Variants in CDH13 observed in about 807,000 individuals in gnomAD.
CDH13 encodes cadherin 13.
A neutral mutation model predicts 63.8 loss-of-function variants in CDH13; 24 were observed. The ratio of observed to expected loss-of-function variants is 0.38; its 90% CI spans 0.27 to 0.53. The LOEUF is 0.53. Among genes scored for constraint, CDH13 ranks in the 20% least tolerant of loss-of-function variants. The pLI is 0.85. For missense variants in CDH13, 1,049 were observed against 903.1 expected, an observed-to-expected ratio of 1.16 and a Z score of -2.07; for synonymous variants, 503 against 355.3, an observed-to-expected ratio of 1.42 and a Z score of -4.67.
At chr16:83,041,674 A>T (rs576093526) in intron 3 of CDH13, among the ~76,000 whole-genome samples, 44 of 152,246 alleles carry the variant, frequency 2.9e-4, no homozygotes, top group Non-Finnish European at 4.7e-4. Flanking sequence ...ATTTAGCGAA[A>T]ATTTTTGTGG....
At chr16:82,761,017 C>CTTGTTTTTTTT (rs2034820209) in intron 1 of CDH13, among the ~76,000 whole-genome samples, 1 of 40,452 alleles carries the variant, frequency 2.5e-5, no homozygotes, top group Non-Finnish European at 4.6e-5. Flanking sequence ...TTCTTTCTTT[C>CTTGTTTTTTTT]TTTTTTTTTT....
intron 2 of CDH13, among the ~76,000 whole-genome samples, chr16:83,011,650 G>A (rs769524683): frequency 5.3e-5 from 8 of 152,174 alleles, no homozygotes; most frequent in Non-Finnish European, 1.0e-4. Context: ...GCCACTGAGG[G>A]TTCGGGGACC....
chr16:83,598,219 G>A (rs1907454798), intron 7 of CDH13, among the ~76,000 whole-genome samples: 1 of 152,058 alleles, frequency 6.6e-6, no homozygotes, highest in Non-Finnish European at 1.5e-5. Context: ...ACAAAAATTA[G>A]CTGGGTGTGG....
intron 5 of CDH13, among the ~76,000 whole-genome samples, chr16:83,315,126 G>A (rs1202454654): frequency 6.6e-6 from 1 of 152,224 alleles, no homozygotes; most frequent in Non-Finnish European, 1.5e-5. Context: ...CAGCACAATA[G>A]TAGCCTGTCT....
At chr16:82,854,885 C>G (rs971282879) in intron 1 of CDH13, among the ~76,000 whole-genome samples, 12 of 152,186 alleles carry the variant, frequency 7.9e-5, no homozygotes, top group South Asian at 2.1e-4. Context: ...TTATTGACTC[C>G]TTATCCTGTG....
intron 10 of CDH13, among the ~76,000 whole-genome samples, chr16:83,714,096 G>T (rs907894421): frequency 6.6e-6 from 1 of 152,142 alleles, no homozygotes; most frequent in Middle Eastern, 3.2e-3. Flanking sequence ...TGGAGGGGGG[G>T]CTGCCCTACG....
intron 6 of CDH13, among the ~76,000 whole-genome samples, chr16:83,366,219 T>A (rs2091254774): frequency 6.6e-6 from 1 of 152,162 alleles, no homozygotes; most frequent in South Asian, 2.1e-4. Context: ...TTCAAATGAA[T>A]TACCAACTTA....
intron 4 of CDH13, among the ~76,000 whole-genome samples, chr16:83,181,790 T>C (rs1422906557): frequency 6.6e-6 from 1 of 151,968 alleles, no homozygotes; most frequent in Non-Finnish European, 1.5e-5. Flanking sequence ...TGTGTGTGCA[T>C]GTGTGTGTGT....
chr16:83,039,367 G>C (rs932064011), intron 3 of CDH13, among the ~76,000 whole-genome samples: 1 of 152,130 alleles, frequency 6.6e-6, no homozygotes, highest in Non-Finnish European at 1.5e-5. Context: ...TCATCTCTAA[G>C]TGGCTTGACC....
At chr16:83,583,160 C>T (rs1171610074) in intron 7 of CDH13, among the ~76,000 whole-genome samples, 1 of 152,200 alleles carries the variant, frequency 6.6e-6, no homozygotes, top group Non-Finnish European at 1.5e-5. Flanking sequence ...GCCCTTCTCC[C>T]TGTGTCTTCT....
At chr16:83,286,276 A>G (rs140280396) in intron 5 of CDH13, among the ~76,000 whole-genome samples, 2 of 152,256 alleles carry the variant, frequency 1.3e-5, no homozygotes, top group African/African-American at 4.8e-5. Context: ...TCCATATTAC[A>G]GCTGACATTT....
At chr16:83,013,783 A>C (rs1202903838) in intron 2 of CDH13, among the ~76,000 whole-genome samples, 1 of 152,178 alleles carries the variant, frequency 6.6e-6, no homozygotes, top group Non-Finnish European at 1.5e-5. Context: ...GAGAGATACA[A>C]GGGTTGCTGG....
intron 1 of CDH13, among the ~76,000 whole-genome samples, chr16:82,815,165 G>T (rs1199072175): frequency 1.3e-5 from 2 of 152,126 alleles, no homozygotes; most frequent in East Asian, 3.8e-4. Flanking sequence ...GTACTGCATG[G>T]TTAGCAGACA....
chr16:82,667,875 G>T (rs1178472883), intron 1 of CDH13, among the ~76,000 whole-genome samples: 1 of 152,126 alleles, frequency 6.6e-6, no homozygotes, highest in Non-Finnish European at 1.5e-5. Context: ...TCATGCTCCA[G>T]TTTCAAAGCT....
intron 5 of CDH13, among the ~76,000 whole-genome samples, chr16:83,336,494 ATATCT>A (rs1182113169): frequency 6.6e-5 from 10 of 152,236 alleles, no homozygotes; most frequent in African/African-American, 2.2e-4. Context: ...CAGGTGAGAG[ATATCT>A]TATCTGTCTG....
At chr16:83,276,129 C>A (rs1201198407) in intron 5 of CDH13, among the ~76,000 whole-genome samples, 1 of 152,154 alleles carries the variant, frequency 6.6e-6, no homozygotes, top group East Asian at 1.9e-4. Context: ...CAAACTCGCC[C>A]CACACTCTCA....
Position 83,209,031 on chromosome 16 carries a change from A to G in CDH13, c.484-8314A>G, listed in dbSNP as rs186668134. On this transcript the variant is annotated intron_variant, in intron 4 of 13. Transcript: ENST00000567109. ...TATGGGGATGTTCTGCTGAACCCCTATCAACTCCAGTGGGGGTGGCAGCAG... is the reference window on the plus strand; with the variant it reads ...TATGGGGATGTTCTGCTGAACCCCTGTCAACTCCAGTGGGGGTGGCAGCAG... Among the ~76,000 whole-genome samples, 698 of 152,192 alleles carry G rather than the reference A, an allele frequency of 4.6e-3. 6 individuals are homozygous for G. The highest frequency in any genetic ancestry group is 0.016 in the African/African-American group (654 of 41,530).
chr16:82,970,931 TAAAATA>T (rs1240064266), intron 2 of CDH13, among the ~76,000 whole-genome samples: 1 of 152,212 alleles, frequency 6.6e-6, no homozygotes, highest in East Asian at 1.9e-4. Context: ...CAGGCACATT[TAAAATA>T]TTTGTTGAAT....
At chr16:82,813,196 A>G (rs2037530912) in intron 1 of CDH13, among the ~76,000 whole-genome samples, 1 of 152,102 alleles carries the variant, frequency 6.6e-6, no homozygotes, top group South Asian at 2.1e-4. Context: ...GAAATTGGAG[A>G]GACATTATCC....
Sources: allele counts gnomAD v4.1 joint callset (sites outside exome capture counted in the v4.1 genomes callset), GRCh38; gene constraint gnomAD v4.1.1; transcripts MANE v1.5; gene names NCBI Gene and HGNC (gene_info 2026-07-23, HGNC 2026-07-21).